Variants in KANK4 observed in about 807,000 individuals in gnomAD.
KANK4 encodes KN motif and ankyrin repeat domains 4, also known as KN motif and ankyrin repeat domain-containing protein 4.
In KANK4, 50 loss-of-function variants were observed where a neutral mutation model predicts 80.8. That is an observed-to-expected ratio of 0.62 (90% CI 0.49 to 0.78). KANK4 has a LOEUF of 0.78. Among genes scored for constraint, KANK4 ranks in the 30% least tolerant of loss-of-function variants. KANK4 has a pLI of 0.00. For missense variants in KANK4, 1,196 were observed against 1,240.1 expected (o/e 0.96, Z 0.53); for synonymous variants, 465 against 506.9 (o/e 0.92, Z 1.11).
chr1:62,278,356 C>T (rs377367112), intron 2 of KANK4, among the ~76,000 whole-genome samples: 845 of 13,074 alleles, frequency 0.065, 128 homozygotes, highest in African/African-American at 0.2. Context: ...TTCCTTCCTT[C>T]CTTCCTTCCT....
rs773691214 is a variant in KANK4, at chr1:62,273,426, T to C, written c.1678A>G (p.Ile560Val). 7.4e-6 allele frequency: 12 copies of C among 1,613,488 alleles called. No homozygotes were observed. The highest frequency in any genetic ancestry group is 4.5e-5 in the East Asian group (2 of 44,868). Residue 560 changes from isoleucine to valine, a missense_variant, in exon 3 of 10, where the codon ATT becomes GTT. This residue lies in a region of KANK4 where 1,154 missense variants were observed against 1,179.6 expected (regional missense o/e 0.98). Coordinates refer to ENST00000371153, the MANE Select transcript of KANK4 (RefSeq NM_181712.5). Reference protein sequence around the residue: ...RPPSSPTDATIGQYVKKIQEL... With the variant: ...RPPSSPTDATVGQYVKKIQEL... ...TGGATCTTCTTCACATACTGCCCAA[T>C]AGTGGCATCCGTTGGCGAGCTTGGT...
chr1:62,314,699 TAAA>T (rs5774601), intron 1 of KANK4, among the ~76,000 whole-genome samples: 21 of 148,722 alleles, frequency 1.4e-4, no homozygotes, highest in African/African-American at 4.9e-4. Flanking sequence ...ACAGCCACAT[TAAA>T]AAAAAAAAAA....
At chr1:62,289,754 GA>G (rs1185861656) in intron 1 of KANK4, among the ~76,000 whole-genome samples, 1 of 152,142 alleles carries the variant, frequency 6.6e-6, no homozygotes, top group Non-Finnish European at 1.5e-5. Context: ...AAAGAGATGG[GA>G]AGTCAACATA....
intron 2 of KANK4, among the ~76,000 whole-genome samples, chr1:62,281,041 G>C (rs1376524974): frequency 6.6e-6 from 1 of 152,184 alleles, no homozygotes; most frequent in Non-Finnish European, 1.5e-5. Context: ...TGGATGACGA[G>C]AGACACGTGG....
intron 9 of KANK4, among the ~76,000 whole-genome samples, chr1:62,242,658 G>A (rs889989251): frequency 1.4e-4 from 22 of 152,262 alleles, no homozygotes; most frequent in Admixed American, 7.2e-4. Flanking sequence ...CTGGCCAGCT[G>A]TTCTGGGAAT....
chr1:62,247,511 G>C lies in KANK4; in HGVS notation c.2844C>G (p.Leu948=). 1.9e-6 allele frequency: 3 copies of C among 1,613,968 alleles called. No individual in the cohort carries two copies. The highest frequency in any genetic ancestry group is 2.7e-5 in the African/African-American group (2 of 74,992). ...HHGNVDLVRL[L]LAHPACDSSL... is the part of the protein sequence containing the mutation. ...TGCTGTCGCAGGCTGGGTGTGCCAG[G>C]AGCAGCCGCACCAGGTCCACGTTGC... The change falls in exon 9 of 10, where the codon CTC becomes CTG. Residue 948 remains leucine, a synonymous_variant. Coordinates refer to ENST00000371153, the MANE Select transcript of KANK4 (RefSeq NM_181712.5).
intron 1 of KANK4, among the ~76,000 whole-genome samples, chr1:62,302,367 G>A (rs899546707): frequency 6.6e-6 from 1 of 152,006 alleles, no homozygotes; most frequent in Non-Finnish European, 1.5e-5. Flanking sequence ...CAGGCACTGT[G>A]CTAAATAAAA....
At chr1:62,293,254 A>AT (rs5774594) in intron 1 of KANK4, among the ~76,000 whole-genome samples, 110 of 148,830 alleles carry the variant, frequency 7.4e-4, no homozygotes, top group East Asian at 6.3e-3. Flanking sequence ...CACCCCGCTA[A>AT]TTTTTTTTTT....
chr1:62,253,300 G>C, intron 7 of KANK4, 91 bp from the exon 8 acceptor site: 1 of 1,278,132 alleles, frequency 7.8e-7, no homozygotes, highest in South Asian at 1.6e-5. Context: ...CTGCTCGCTG[G>C]TTAGAAAGCC....
chr1:62,284,136 G>A (rs1415956755), intron 1 of KANK4, among the ~76,000 whole-genome samples: 2 of 152,040 alleles, frequency 1.3e-5, no homozygotes, highest in East Asian at 1.9e-4. Context: ...CCAGCCTTCC[G>A]CACTTTCCTC....
At chr1:62,254,160 T>C (rs778693245) in intron 7 of KANK4, among the ~76,000 whole-genome samples, 7 of 151,840 alleles carry the variant, frequency 4.6e-5, no homozygotes, top group Non-Finnish European at 1.0e-4. Flanking sequence ...ACTTGAAAAA[T>C]GGAGGGAAAA....
At chr1:62,289,467 G>C (rs1004980322) in intron 1 of KANK4, among the ~76,000 whole-genome samples, 5 of 152,168 alleles carry the variant, frequency 3.3e-5, no homozygotes, top group Non-Finnish European at 7.3e-5. Context: ...GCAGCAGAGT[G>C]GGGGCAGCTG....
At position 62,273,490 on chromosome 1, in the gene KANK4, G is replaced by T; in HGVS notation, c.1614C>A (p.Thr538=). 5 of 1,613,994 alleles carry T rather than the reference G, an allele frequency of 3.1e-6. No homozygotes were observed. Among genetic ancestry groups the T allele is most frequent in the Non-Finnish European group, 4.2e-6 (5 of 1,179,934 alleles). The change falls in exon 3 of 10, where the codon ACC becomes ACA. Residue 538 remains threonine (T), a synonymous_variant. Transcript: ENST00000371153. ...GCTCCTTCCCTGGGAGATTGGAACTGGTCTCCTCCCTCCCTGCTGGGGGAG... is the reference window on the plus strand; with the variant it reads ...GCTCCTTCCCTGGGAGATTGGAACTTGTCTCCTCCCTCCCTGCTGGGGGAG... The part of the protein sequence containing the change: ...RKTPPAGREE[T]SSNLPGKEHP...
chr1:62,287,874 T>A (rs1313723063), intron 1 of KANK4, among the ~76,000 whole-genome samples: 1 of 152,126 alleles, frequency 6.6e-6, no homozygotes, highest in African/African-American at 2.4e-5. Flanking sequence ...GTTAGCTGAG[T>A]ACGCAGACCA....
intron 2 of KANK4, among the ~76,000 whole-genome samples, chr1:62,278,539 C>T (rs972981924): frequency 3.4e-5 from 5 of 149,010 alleles, no homozygotes; most frequent in African/African-American, 9.8e-5. Flanking sequence ...ATTACAGGTG[C>T]GTGCCACCAT....
chr1:62,274,756 G>A lies in KANK4; in HGVS notation c.348C>T (p.Pro116=). Residue 116 remains proline (P), a synonymous_variant, in exon 3 of 10, where the codon CCC becomes CCT. Coordinates refer to ENST00000371153, the MANE Select transcript of KANK4 (RefSeq NM_181712.5). ...CCTCACTCCTGCTTGTTGAGGCCTG[G>A]GGGGCATTACCAAGCGGTGGTGACT... ...QNQSPPLGNA[P]QASTSRSEVS... 6.2e-7 allele frequency: 1 copy of A among 1,614,128 alleles called. No individual in the cohort carries two copies. The highest frequency in any genetic ancestry group is 8.5e-7 in the Non-Finnish European group (1 of 1,179,990).
intron 1 of KANK4, among the ~76,000 whole-genome samples, chr1:62,304,335 C>T (rs576043919): frequency 6.6e-6 from 1 of 152,024 alleles, no homozygotes; most frequent in African/African-American, 2.4e-5. Flanking sequence ...GAGCTGTGAC[C>T]TGAAATAAGA....
chr1:62,247,482 A>G lies in KANK4; in HGVS notation c.2873T>C (p.Leu958Pro). 6.2e-7 allele frequency: 1 copy of G among 1,613,914 alleles called. No individual in the cohort carries two copies. The highest frequency in any genetic ancestry group is 2.2e-5 in the East Asian group (1 of 44,862). ...LLAHPACDSS[L>P]TDKAGRTALS... The stretch of plus-strand genomic sequence containing the variant: ...GCCTGTAAGTCTCACCTTGTCAGTC[A>G]GGCTGCTGTCGCAGGCTGGGTGTGC... Residue 958 changes from leucine (L) to proline (P), a missense_variant, in exon 9 of 10, where the codon CTG (leucine) becomes CCG (proline). By Grantham distance (98) the Leu-to-Pro change is moderately conservative. Coordinates refer to ENST00000371153, the MANE Select transcript of KANK4 (RefSeq NM_181712.5).
At chr1:62,313,119 T>C (rs1457632194) in intron 1 of KANK4, among the ~76,000 whole-genome samples, 1 of 152,234 alleles carries the variant, frequency 6.6e-6, no homozygotes, top group African/African-American at 2.4e-5. Context: ...ATTATTGTTA[T>C]AATTGTTGTC....
Sources: allele counts gnomAD v4.1 joint callset (sites outside exome capture counted in the v4.1 genomes callset), GRCh38; gene constraint gnomAD v4.1.1; regional missense constraint gnomAD v4.1.1; transcripts MANE v1.5; gene names NCBI Gene and HGNC (gene_info 2026-07-23, HGNC 2026-07-21).